ESR1: variants seen among roughly 807,000 people sequenced by gnomAD.
ESR1 encodes the protein estrogen receptor.
ESR1 carries 12 observed loss-of-function variants against 52.7 expected under a neutral mutation model. That is an observed-to-expected ratio of 0.23 (90% CI 0.15 to 0.37). The LOEUF (loss-of-function observed/expected upper bound fraction) is 0.37. Among genes scored for constraint, ESR1 ranks in the 10% least tolerant of loss-of-function variants. ESR1 has a pLI of 1.00. For synonymous variants in ESR1, 305 were observed against 316.8 expected (o/e 0.96, Z 0.39); for missense variants, 584 against 779.7 (o/e 0.75, Z 2.99).
chr6:151,747,608 A>T (rs1385204563), intron 2 of ESR1, among the ~76,000 whole-genome samples: 2 of 152,198 alleles, frequency 1.3e-5, no homozygotes, highest in Non-Finnish European at 2.9e-5. Flanking sequence ...AAATCCACCC[A>T]TTTAAAGTAC....
chr6:151,842,024 A>G (rs997433041), intron 1 of ESR1, among the ~76,000 whole-genome samples: 2 of 152,290 alleles, frequency 1.3e-5, no homozygotes, highest in African/African-American at 2.4e-5. Flanking sequence ...CAGTCTCTAC[A>G]TGTTCCTAAA....
intron 2 of ESR1, among the ~76,000 whole-genome samples, chr6:151,714,938 T>C (rs776421357): frequency 6.6e-6 from 1 of 152,234 alleles, no homozygotes; most frequent in Non-Finnish European, 1.5e-5. Context: ...GTGTTGATGG[T>C]CTTTACAATT....
At chr6:152,037,211 A>T (rs1351457857) in intron 5 of ESR1, among the ~76,000 whole-genome samples, 1 of 152,168 alleles carries the variant, frequency 6.6e-6, no homozygotes, top group Non-Finnish European at 1.5e-5. Flanking sequence ...AAGCCTGGGA[A>T]ATATTTAATG....
In ESR1 at chr6:151,997,017, A is replaced by G. The variant is rs36055182; in HGVS notation, c.1097-14639A>G. On this transcript the variant is annotated intron_variant, in intron 4 of 7. Transcript: ENST00000206249. ...ATCCCAGCTAGTAAAATGGGGCAAT[A>G]AGAACCAAAAAGCAGGTACTGTCCC... Among the ~76,000 whole-genome samples the G allele has an allele frequency of 6.0e-3, 910 of 152,148 alleles. 10 individuals are homozygous for G. The highest frequency in any genetic ancestry group is 0.024 in the South Asian group (117 of 4,820).
At chr6:151,888,620 G>A (rs116531412) in intron 3 of ESR1, among the ~76,000 whole-genome samples, 306 of 152,122 alleles carry the variant, frequency 2.0e-3, no homozygotes, top group African/African-American at 7.2e-3. Context: ...CAGCAAACAC[G>A]GGCAATTTAA....
intron 4 of ESR1, among the ~76,000 whole-genome samples, chr6:151,946,556 G>A (rs1562581357): frequency 1.3e-5 from 2 of 152,252 alleles, no homozygotes; most frequent in Non-Finnish European, 2.9e-5. Context: ...ATGGCAATGA[G>A]ATGTGTAACA....
chr6:151,698,594 G>A (rs765902412), intron 1 of ESR1, among the ~76,000 whole-genome samples: 51 of 152,142 alleles, frequency 3.4e-4, no homozygotes, highest in Non-Finnish European at 6.5e-4. Flanking sequence ...GAAGGAGGAC[G>A]AGTGTCCTTT....
chr6:151,949,505 A>G (rs1271198682), intron 4 of ESR1, among the ~76,000 whole-genome samples: 1 of 152,268 alleles, frequency 6.6e-6, no homozygotes, highest in Non-Finnish European at 1.5e-5. Context: ...TGACATGGAC[A>G]TATGGGTGAC....
At chr6:152,087,706 C>A (rs2049851535) in intron 6 of ESR1, among the ~76,000 whole-genome samples, 1 of 152,164 alleles carries the variant, frequency 6.6e-6, no homozygotes, top group Non-Finnish European at 1.5e-5. Flanking sequence ...CTCTTAAAGT[C>A]ATTGTAGCAT....
At chr6:151,823,123 G>A (rs1034164762) in intron 1 of ESR1, among the ~76,000 whole-genome samples, 1 of 152,138 alleles carries the variant, frequency 6.6e-6, no homozygotes, top group African/African-American at 2.4e-5. Flanking sequence ...ATTATTTGTT[G>A]TTTATCTGAA....
chr6:151,912,575 T>G (rs1798432170), intron 3 of ESR1, among the ~76,000 whole-genome samples: 1 of 152,172 alleles, frequency 6.6e-6, no homozygotes, highest in African/African-American at 2.4e-5. Flanking sequence ...TACTATGATA[T>G]TTGTGAAATC....
At chr6:151,848,357 T>C (rs950729904) in intron 2 of ESR1, among the ~76,000 whole-genome samples, 2 of 115,104 alleles carry the variant, frequency 1.7e-5, no homozygotes, top group East Asian at 2.6e-4. Context: ...AGGGATAGCA[T>C]TGGGAGATAT....
intron 1 of ESR1, among the ~76,000 whole-genome samples, chr6:151,693,940 T>C (rs1011919487): frequency 4.6e-5 from 7 of 152,100 alleles, no homozygotes; most frequent in African/African-American, 1.7e-4. Flanking sequence ...TCTAATTCAA[T>C]GTGATACCAA....
upstream of ESR1, among the ~76,000 whole-genome samples, chr6:151,804,000 T>C (rs1777526379): frequency 6.6e-6 from 1 of 152,136 alleles, no homozygotes. Context: ...GATCAATCTT[T>C]ACCCTTCTTC....
intron 1 of ESR1, among the ~76,000 whole-genome samples, chr6:151,657,692 A>G (rs180767519): frequency 6.6e-6 from 1 of 152,194 alleles, no homozygotes; most frequent in African/African-American, 2.4e-5. Context: ...AAAAGGCCCC[A>G]GAAGGAATTA....
intron 2 of ESR1, among the ~76,000 whole-genome samples, chr6:151,758,933 C>T (rs1784465739): frequency 6.6e-6 from 1 of 151,952 alleles, no homozygotes; most frequent in South Asian, 2.1e-4. Context: ...TTACTAGCAA[C>T]TTGGGAGTAA....
At chr6:151,822,301 T>C (rs13215918) in intron 1 of ESR1, among the ~76,000 whole-genome samples, 1 of 152,356 alleles carries the variant, frequency 6.6e-6, no homozygotes, top group East Asian at 1.9e-4. Context: ...CTTGAGATTG[T>C]CCTTCACATT....
chr6:152,022,117 A>G (rs777835347), intron 5 of ESR1, among the ~76,000 whole-genome samples: 1 of 152,184 alleles, frequency 6.6e-6, no homozygotes, highest in Non-Finnish European at 1.5e-5. Context: ...AGGGTTATGT[A>G]TCTCCAAGTG....
chr6:152,003,285 T>G (rs969141977), intron 4 of ESR1, among the ~76,000 whole-genome samples: 5 of 151,676 alleles, frequency 3.3e-5, no homozygotes, highest in Admixed American at 6.6e-5. Context: ...ACAAACTACT[T>G]CCTCACCTGT....
Sources: allele counts gnomAD v4.1 joint callset (sites outside exome capture counted in the v4.1 genomes callset), GRCh38; gene constraint gnomAD v4.1.1; transcripts MANE v1.5; gene names NCBI Gene and HGNC (gene_info 2026-07-23, HGNC 2026-07-21).